The following EHMT2 variants were observed in gnomAD, a reference collection of about 807,000 sequenced individuals.
EHMT2 encodes histone-lysine N-methyltransferase EHMT2.
Under a neutral mutation model 143.3 loss-of-function variants are expected in EHMT2, and 59 were observed. The ratio of observed to expected loss-of-function variants is 0.41; its 90% CI spans 0.33 to 0.51. The LOEUF (loss-of-function observed/expected upper bound fraction) is 0.51. EHMT2 is among the 20% of genes least tolerant of loss of function. EHMT2 has a pLI of 0.18. For missense variants in EHMT2, 1,174 were observed against 1,645.9 expected (o/e 0.71, Z 4.96); for synonymous variants, 604 against 651.5 (o/e 0.93, Z 1.11).
At chr6:31,879,858 G>A (rs1384137671) in exon 28 of EHMT2, 4 of 557,032 alleles carry the variant, frequency 7.2e-6, no homozygotes, top group African/African-American at 3.7e-5. Flanking sequence ...GGGGAACACG[G>A]GGGGTGGCCA....
At position 31,888,869 on chromosome 6, in the gene EHMT2, C is replaced by T; in HGVS notation, c.1216+100G>A. On this transcript the variant is annotated intron_variant, in intron 10 of 27. Coordinates refer to ENST00000375537, the Ensembl canonical transcript of EHMT2. The surrounding 1 kb of genome is among the most constrained non-coding windows in gnomAD (Gnocchi z 7.4). ...ATGCCCCAGAACCCCTAAAGCCTGG[C>T]CATGGACACCCCGGCTCTGGCGTGG... 2 of 1,492,692 alleles carry T rather than the reference C, an allele frequency of 1.3e-6. No individual in the cohort carries two copies. The highest frequency in any genetic ancestry group is 4.7e-5 in the East Asian group (2 of 42,812). The allele number at this position is 1,492,692 out of a possible 1,614,324, so 92.5% of individuals were successfully genotyped here. A position where few individuals can be genotyped will look rare whatever the true frequency, so the allele number is the denominator to read the frequency against.
Position 31,883,684 on chromosome 6 carries a change from C to A in EHMT2, c.2916+122G>T. ...CTCCCCTGGTGGGGATGCGACCCCA[C>A]ACCAGGGCTCCCTTTCAGCCAACCC... On this transcript the variant is annotated intron_variant, in intron 22 of 27. Coordinates refer to ENST00000375537, the Ensembl canonical transcript of EHMT2. This position sits in a 1 kb window ranked among gnomAD's most constrained non-coding sequence, Gnocchi z 5.6. 4 of 1,410,068 alleles carry A rather than the reference C, an allele frequency of 2.8e-6. No homozygotes were observed. In the South Asian group the frequency reaches 5.1e-5, roughly 18 times the overall value. The allele number at this position is 1,410,068 out of a possible 1,614,324, so 87.3% of individuals were successfully genotyped here.
intron 4 of EHMT2, 145 bp from the exon 5 acceptor site, chr6:31,893,055 C>A: frequency 1.7e-6 from 1 of 588,974 alleles, no homozygotes; most frequent in South Asian, 2.2e-5. Flanking sequence ...CTGGCAACCA[C>A]GGGTGCTATT....
Position 31,885,020 on chromosome 6 carries a change from T to C in EHMT2, c.2344-4A>G. ...TGGGCGTCCACCCCCCACTGTCCTG[T>C]GGGTGGGAAGGGAGTGAGGGTGGGG... On this transcript the variant is annotated splice_region_variant and splice_polypyrimidine_tract_variant and intron_variant, in intron 18 of 27. Transcript: ENST00000375537. The C allele has an allele frequency of 1.2e-6, 2 of 1,602,388 alleles. No homozygotes were observed. The highest frequency in any genetic ancestry group is 1.7e-6 in the Non-Finnish European group (2 of 1,171,630).
rs1766550428 is a variant in EHMT2, at chr6:31,896,839, A to G, written c.110-15T>C. The G allele has an allele frequency of 6.2e-7, 1 of 1,612,628 alleles. No individual in the cohort carries two copies. The highest frequency in any genetic ancestry group is 8.5e-7 in the Non-Finnish European group (1 of 1,179,992). Reference sequence around the variant, plus strand: ...AGAGCCATGAACTGTAGAGGAAGAGAAAAAGTTCAGAGCTAAGGGCTCAGG... The same window carrying G: ...AGAGCCATGAACTGTAGAGGAAGAGGAAAAGTTCAGAGCTAAGGGCTCAGG... On this transcript the variant is annotated splice_polypyrimidine_tract_variant and intron_variant, in intron 2 of 27. Transcript: ENST00000375537.
Position 31,884,930 on chromosome 6 carries a change from G to T in EHMT2, c.2430C>A (p.Asp810Glu). 1 of 1,606,264 alleles carries T rather than the reference G, an allele frequency of 6.2e-7. No individual in the cohort carries two copies. The change falls in exon 19 of 28, where the codon GAC becomes GAA. Residue 810 changes from aspartate to glutamate, a missense_variant. This residue lies in a region of EHMT2 where 608 missense variants were observed against 903.7 expected (regional missense o/e 0.67). Coordinates refer to ENST00000375537, the Ensembl canonical transcript of EHMT2. This position sits in a 1 kb window ranked among gnomAD's most constrained non-coding sequence, Gnocchi z 7.3. Reference sequence around the variant, plus strand: ...CACTCACGTTGTCAGTGAGGGTGACGTCGGCGCCCCGCGTCAGTAGCATGC... The same window carrying T: ...CACTCACGTTGTCAGTGAGGGTGACTTCGGCGCCCCGCGTCAGTAGCATGC...
chr6:31,896,656 G>A (rs1482275146), exon 3 of EHMT2: 3 of 1,597,836 alleles, frequency 1.9e-6, no homozygotes, highest in Non-Finnish European at 2.6e-6. Context: ...AAGATTCTCA[G>A]ATTCATCCCC....
At position 31,880,149 on chromosome 6, in the gene EHMT2, C is replaced by G. The variant is rs138960077; in HGVS notation, c.3568G>C (p.Ala1190Pro). The change falls in exon 28 of 28, where the codon GCC (alanine) becomes CCC (proline). Residue 1190 changes from alanine (A) to proline (P), a missense_variant. Transcript: ENST00000375537. The surrounding 1 kb of genome is among the most constrained non-coding windows in gnomAD (Gnocchi z 6.6). The stretch of plus-strand genomic sequence containing the variant: ...AGCTCAGGGTGTGGGTCCAGGCGGG[C>G]CAGACGGCTCTGCTCCAGGGCAATG... 4.3e-5 allele frequency: 69 copies of G among 1,612,824 alleles called. No individual in the cohort carries two copies. Among genetic ancestry groups the G allele is most frequent in the Non-Finnish European group, 9.3e-6 (11 of 1,180,012 alleles).
chr6:31,894,862 A>C (rs908109457), intron 4 of EHMT2, among the ~76,000 whole-genome samples: 1 of 151,712 alleles, frequency 6.6e-6, no homozygotes, highest in Non-Finnish European at 1.5e-5. Context: ...CATGTTTACC[A>C]GGCTGGTCTC....
At chr6:31,882,734 G>A (rs1265187191) in exon 25 of EHMT2, 4 of 1,612,690 alleles carry the variant, frequency 2.5e-6, no homozygotes, top group African/African-American at 1.3e-5. Context: ...TGGTCTGCAG[G>A]GCGCGGACCC....
chr6:31,897,506 C>T (rs944018939), intron 1 of EHMT2, 130 bp downstream of exon 1: 1 of 572,752 alleles, frequency 1.7e-6, no homozygotes, highest in Non-Finnish European at 2.3e-6. Flanking sequence ...CCGGTGCTGG[C>T]CCCCTGGATT....
chr6:31,882,484 G>C (rs1270320769), intron 25 of EHMT2, among the ~76,000 whole-genome samples: 2 of 152,152 alleles, frequency 1.3e-5, no homozygotes, highest in Non-Finnish European at 2.9e-5. Context: ...GGTCTGGGCA[G>C]AGTGGAGGCA....
Position 31,892,771 on chromosome 6 carries a change from C to T in EHMT2, c.668-37G>A, listed in dbSNP as rs186289103. On this transcript the variant is annotated intron_variant, in intron 5 of 27. Coordinates refer to ENST00000375537, the Ensembl canonical transcript of EHMT2. ...GAGAGAATGGTGTGGGGCCTATCAC[C>T]GAAACCTTCAGAACAGACCACATCA... The T allele has an allele frequency of 1.4e-5, 22 of 1,613,032 alleles. No individual in the cohort carries two copies. In the Admixed American group the frequency reaches 2.2e-4, roughly 16 times the overall value.
At position 31,884,912 on chromosome 6, in the gene EHMT2, G is replaced by A. The variant is rs780189105; in HGVS notation, c.2448C>T (p.Asn816=). 2.7e-5 allele frequency: 44 copies of A among 1,600,946 alleles called. No individual in the cohort carries two copies. In the East Asian group the frequency reaches 4.3e-4, roughly 16 times the overall value. Reference sequence around the variant, plus strand: ...CTACCTCAACCAAACGCTCACTCACGTTGTCAGTGAGGGTGACGTCGGCGC... The same window carrying A: ...CTACCTCAACCAAACGCTCACTCACATTGTCAGTGAGGGTGACGTCGGCGC... Residue 816 remains asparagine, a splice_region_variant and synonymous_variant, in exon 19 of 28, where the codon AAC becomes AAT. Coordinates refer to ENST00000375537, the Ensembl canonical transcript of EHMT2. The surrounding 1 kb of genome is among the most constrained non-coding windows in gnomAD (Gnocchi z 7.3).
intron 1 of EHMT2, 147 bp from the exon 2 acceptor site, chr6:31,897,136 C>T: frequency 7.3e-7 from 1 of 1,378,920 alleles, no homozygotes; most frequent in Non-Finnish European, 9.4e-7. Context: ...CCTCGGCTGC[C>T]CGGAGGGGCC....
Position 31,883,555 on chromosome 6 carries a change from A to G in EHMT2, c.2917-116T>C. 1 of 1,166,064 alleles carries G rather than the reference A, an allele frequency of 8.6e-7. No individual in the cohort carries two copies. The highest frequency in any genetic ancestry group is 1.2e-6 in the Non-Finnish European group (1 of 800,992). 72.2% of individuals were successfully genotyped at this position (1,166,064 alleles called of 1,614,324 possible). ...TTCTTTGGGGTCCATGTGTTACAAC[A>G]GTGGGTGGTGATGGTCCTAGGGTGA... On this transcript the variant is annotated intron_variant, in intron 22 of 27. Transcript: ENST00000375537. The surrounding 1 kb of genome is among the most constrained non-coding windows in gnomAD (Gnocchi z 5.6).
At chr6:31,882,531 C>A (rs74434374) in intron 25 of EHMT2, 168 bp downstream of exon 25, 47,102 of 691,778 alleles carry the variant, frequency 0.068, 2,296 homozygotes, top group African/African-American at 0.15. Flanking sequence ...GGGTCAGAGG[C>A]GGCTGGCTGC....
At chr6:31,882,501 A>G (rs546804250) in intron 25 of EHMT2, among the ~76,000 whole-genome samples, 198 bp downstream of exon 25, 1 of 152,098 alleles carries the variant, frequency 6.6e-6, no homozygotes, top group South Asian at 2.1e-4. Context: ...GGCAGGTGCC[A>G]TTCTCAGCTG....
intron 2 of EHMT2, 28 bp from the exon 3 acceptor site, chr6:31,896,852 C>G (rs768930187): frequency 1.2e-6 from 2 of 1,612,548 alleles, no homozygotes; most frequent in Non-Finnish European, 1.7e-6. Context: ...AAGTTCAGAG[C>G]TAAGGGCTCA....
Sources: gnomAD v4.1 joint callset for allele counts (sites outside exome capture counted in the v4.1 genomes callset) on GRCh38, gnomAD v4.1.1 for gene constraint, gnomAD v4.1.1 regional missense constraint, Gnocchi (gnomAD v3.1) non-coding constraint, MANE v1.5 for transcripts, NCBI Gene and HGNC (gene_info 2026-07-23, HGNC 2026-07-21) for gene names.